Variants in SORL1 observed in about 807,000 individuals in gnomAD.
The protein encoded by SORL1 is sortilin related receptor 1.
Under a neutral mutation model 273.7 loss-of-function variants are expected in SORL1, and 127 were observed. The ratio of observed to expected loss-of-function variants is 0.46; its 90% CI spans 0.40 to 0.54. The LOEUF (loss-of-function observed/expected upper bound fraction) is 0.54, where lower values mean the gene tolerates loss of function less well. SORL1 is among the 20% of genes least tolerant of loss of function. The pLI, the probability that SORL1 is intolerant of heterozygous loss-of-function variation, is 0.00. For synonymous variants in SORL1, 1,031 were observed against 1,067.4 expected (o/e 0.97, Z 0.66); for missense variants, 2,494 against 2,846.1 (o/e 0.88, Z 2.81).
At position 121,520,850 on chromosome 11, in the gene SORL1, G is replaced by T. The variant is rs1294175391; in HGVS notation, c.1404+1G>T. On this transcript the variant is annotated splice_donor_variant, in intron 9 of 47. Transcript: ENST00000260197. LOFTEE classifies it high-confidence loss of function. ...ATATGGAGAGAAAATCAATTGTGAG[G>T]TATTGATGCTTTAATCTTCTTTTGC... is the stretch of plus-strand genomic sequence containing the variant. The T allele has an allele frequency of 3.2e-6, 5 of 1,578,326 alleles. No individual in the cohort carries two copies.
At position 121,554,161 on chromosome 11, in the gene SORL1, T is replaced by C; in HGVS notation, c.2439+52T>C. ...GGAGCTGTGCATCGTGACTGCCCTG[T>C]CCTGATAAGCTGCATGCAGAATGGC... On this transcript the variant is annotated intron_variant, in intron 17 of 47. Transcript: ENST00000260197. This position sits in a 1 kb window ranked among gnomAD's most constrained non-coding sequence, Gnocchi z 4.6. The C allele has an allele frequency of 6.5e-7, 1 of 1,539,408 alleles. No individual in the cohort carries two copies. The highest frequency in any genetic ancestry group is 8.9e-7 in the Non-Finnish European group (1 of 1,123,086).
At chr11:121,457,113 GTCTTT>G (rs1860918655) in intron 1 of SORL1, among the ~76,000 whole-genome samples, 1 of 152,166 alleles carries the variant, frequency 6.6e-6, no homozygotes, top group Non-Finnish European at 1.5e-5. Context: ...TCCACTTGGC[GTCTTT>G]TCTTAGGGAG....
Position 121,596,110 on chromosome 11 carries a change from T to C in SORL1, c.4519+338T>C, listed in dbSNP as rs1173506867. Among the ~76,000 whole-genome samples, 2 of 152,252 alleles carry C rather than the reference T, an allele frequency of 1.3e-5. No individual in the cohort carries two copies. The highest frequency in any genetic ancestry group is 2.9e-5 in the Non-Finnish European group (2 of 68,042). ...TGGGGAAAGCCACAACTCTTCTGTA[T>C]GTACATTCATTCTTCTGGAAGTATT... On this transcript the variant is annotated intron_variant, in intron 32 of 47. Coordinates refer to ENST00000260197, the MANE Select transcript of SORL1 (RefSeq NM_003105.6). The surrounding 1 kb of genome is among the most constrained non-coding windows in gnomAD (Gnocchi z 4.3).
Position 121,608,155 on chromosome 11 carries a change from A to C in SORL1, c.5218A>C (p.Ile1740Leu). The change falls in exon 38 of 48, where the codon ATT becomes CTT. Residue 1740 changes from isoleucine to leucine, a missense_variant. Transcript: ENST00000260197. The stretch of plus-strand genomic sequence containing the variant: ...AGGAAACTGGAGCGATTCTAAATCC[A>C]TTACCACCATAAAAGGAAAAGGTAA... ...GIGNWSDSKS[I>L]TTIKGKVIPP... 1 of 1,613,854 alleles carries C rather than the reference A, an allele frequency of 6.2e-7. No homozygotes were observed. The highest frequency in any genetic ancestry group is 8.5e-7 in the Non-Finnish European group (1 of 1,179,718).
chr11:121,474,234 G>A (rs1861222629), intron 2 of SORL1, among the ~76,000 whole-genome samples: 1 of 152,054 alleles, frequency 6.6e-6, no homozygotes, highest in Admixed American at 6.6e-5. Context: ...CAGCCCTTGG[G>A]GATTTTCTGG....
intron 3 of SORL1, 22 bp from the exon 4 acceptor site, chr11:121,488,010 A>G (rs1205767820): frequency 3.7e-6 from 6 of 1,613,306 alleles, no homozygotes; most frequent in Non-Finnish European, 5.1e-6. Flanking sequence ...CCTGCTCTCA[A>G]CTTACCTGTT....
In SORL1 at chr11:121,621,436, G is replaced by C. The variant is rs573118750; in HGVS notation, c.6064+198G>C. Among the ~76,000 whole-genome samples, 5 of 152,322 alleles carry C rather than the reference G, an allele frequency of 3.3e-5. No homozygotes were observed. In the South Asian group the frequency reaches 1.0e-3, roughly 32 times the overall value. On this transcript the variant is annotated intron_variant, in intron 44 of 47. Transcript: ENST00000260197. Reference sequence around the variant, plus strand: ...TGGCGTGGTGGCCAGGGCACAGTGGGCTGGGGAGTGGCTATCGTTTTCTTT... The same window carrying C: ...TGGCGTGGTGGCCAGGGCACAGTGGCCTGGGGAGTGGCTATCGTTTTCTTT...
chr11:121,622,157 T>C lies in SORL1; in HGVS notation c.6065-5T>C. On this transcript the variant is annotated splice_region_variant and splice_polypyrimidine_tract_variant and intron_variant, in intron 44 of 47. Transcript: ENST00000260197. Reference sequence around the variant, plus strand: ...ACCGCATCCCATCTCATCTTTAATTTTCAGTTTCATTATCAGCACCTGATG... The same window carrying C: ...ACCGCATCCCATCTCATCTTTAATTCTCAGTTTCATTATCAGCACCTGATG... The C allele has an allele frequency of 1.3e-6, 2 of 1,547,826 alleles. No homozygotes were observed. The highest frequency in any genetic ancestry group is 1.8e-6 in the Non-Finnish European group (2 of 1,122,770).
intron 4 of SORL1, among the ~76,000 whole-genome samples, chr11:121,489,197 G>A (rs886107514): frequency 6.6e-6 from 1 of 152,068 alleles, no homozygotes; most frequent in African/African-American, 2.4e-5. Context: ...GCCCATTACT[G>A]TTGTTTTCTT....
At chr11:121,608,439 G>A (rs745858201) in intron 38 of SORL1, 14 of 420,462 alleles carry the variant, frequency 3.3e-5, no homozygotes, top group South Asian at 8.0e-5. Context: ...GCCATCATGC[G>A]CAGCCCTTTG....
At chr11:121,625,464 G>T (rs747636378) in intron 46 of SORL1, among the ~76,000 whole-genome samples, 187 bp downstream of exon 46, 1 of 152,146 alleles carries the variant, frequency 6.6e-6, no homozygotes, top group Non-Finnish European at 1.5e-5. Flanking sequence ...GCTGAACATG[G>T]TACAGGAAGC....
intron 21 of SORL1, among the ~76,000 whole-genome samples, chr11:121,560,798 G>T (rs1440462495): frequency 6.6e-6 from 1 of 152,208 alleles, no homozygotes; most frequent in Non-Finnish European, 1.5e-5. Flanking sequence ...GACCTGTGAG[G>T]TAGGGAAGGC....
rs1861915853 is a variant in SORL1 at position 121,514,015 on chromosome 11, G to A, written c.1042-137G>A. ...AAGTCGCCAAAGCTTCTTTGCCAAGGTTAGGGAGCTTCCCGTGGGCTTTAG... is the reference window on the plus strand; with the variant it reads ...AAGTCGCCAAAGCTTCTTTGCCAAGATTAGGGAGCTTCCCGTGGGCTTTAG... On this transcript the variant is annotated intron_variant, in intron 7 of 47. Coordinates refer to ENST00000260197, the MANE Select transcript of SORL1 (RefSeq NM_003105.6). 5 of 945,502 alleles carry A rather than the reference G, an allele frequency of 5.3e-6. No homozygotes were observed. In the Admixed American group the frequency reaches 1.4e-4, roughly 27 times the overall value. 58.6% of individuals were successfully genotyped at this position (945,502 alleles called of 1,614,324 possible).
intron 41 of SORL1, among the ~76,000 whole-genome samples, chr11:121,616,460 C>G (rs1251676923): frequency 6.6e-6 from 1 of 152,170 alleles, no homozygotes; most frequent in Non-Finnish European, 1.5e-5. Context: ...TCCCTTGGCT[C>G]CCGTGGCTCT....
chr11:121,591,720 T>G (rs2134902184), intron 31 of SORL1, among the ~76,000 whole-genome samples: 1 of 152,312 alleles, frequency 6.6e-6, no homozygotes. Flanking sequence ...GAGGTGAGGA[T>G]CCTGTGTTCT....
At chr11:121,629,187 A>G (rs1863839426) in intron 47 of SORL1, 1 of 359,158 alleles carries the variant, frequency 2.8e-6, no homozygotes, top group Non-Finnish European at 5.0e-6. Flanking sequence ...TGGGGAACCC[A>G]AACTACCCAC....
At chr11:121,602,491 T>C (rs1339573915) in intron 32 of SORL1, among the ~76,000 whole-genome samples, 1 of 152,190 alleles carries the variant, frequency 6.6e-6, no homozygotes, top group East Asian at 1.9e-4. Flanking sequence ...TCTTTTCACC[T>C]CTAGGAAAAT....
intron 35 of SORL1, among the ~76,000 whole-genome samples, chr11:121,606,149 C>T (rs1442587962): frequency 2.0e-5 from 3 of 152,200 alleles, no homozygotes; most frequent in Non-Finnish European, 2.9e-5. Flanking sequence ...TCTTGAGCTA[C>T]TGAGCTCAAG....
At chr11:121,458,728 G>A (rs1008405001) in intron 1 of SORL1, among the ~76,000 whole-genome samples, 1 of 152,216 alleles carries the variant, frequency 6.6e-6, no homozygotes, top group Non-Finnish European at 1.5e-5. Flanking sequence ...GAAGTGGCAT[G>A]GGCGGCCTTC....
Sources: allele counts gnomAD v4.1 joint callset (sites outside exome capture counted in the v4.1 genomes callset), GRCh38; gene constraint gnomAD v4.1.1; non-coding constraint Gnocchi (gnomAD v3.1); transcripts MANE v1.5; gene names NCBI Gene and HGNC (gene_info 2026-07-23, HGNC 2026-07-21).